The following KIRREL1 variants were observed in gnomAD, a reference collection of about 807,000 sequenced individuals.
KIRREL1 encodes the protein kirre like nephrin family adhesion molecule 1.
Under a neutral mutation model 83.3 loss-of-function variants are expected in KIRREL1, and 25 were observed. The ratio of observed to expected loss-of-function variants is 0.30; its 90% CI spans 0.22 to 0.42. KIRREL1 has a LOEUF of 0.42. Ranked by LOEUF, KIRREL1 falls within the 10% of genes least tolerant of loss-of-function variation. The pLI is 1.00. For missense variants in KIRREL1, 812 were observed against 1,032.3 expected, an observed-to-expected ratio of 0.79 and a Z score of 2.92; for synonymous variants, 388 against 410.4, an observed-to-expected ratio of 0.95 and a Z score of 0.66.
intron 2 of KIRREL1, among the ~76,000 whole-genome samples, chr1:158,076,868 T>C (rs1260842816): frequency 6.6e-6 from 1 of 152,234 alleles, no homozygotes; most frequent in Non-Finnish European, 1.5e-5. Flanking sequence ...TCCTATATTC[T>C]AAAGCAAGTA....
intron 4 of KIRREL1, among the ~76,000 whole-genome samples, chr1:158,085,164 G>A (rs1661979983): frequency 6.6e-6 from 1 of 152,236 alleles, no homozygotes; most frequent in Admixed American, 6.5e-5. Context: ...AAGATATCAA[G>A]TGACTTGCCC....
intron 1 of KIRREL1, among the ~76,000 whole-genome samples, chr1:158,071,916 T>TC (rs1661526818): frequency 6.6e-6 from 1 of 151,976 alleles, no homozygotes; most frequent in Admixed American, 6.5e-5. Context: ...CAACACCTCA[T>TC]CCCCCTTTTA....
At chr1:158,018,707 A>G (rs1659910288) in intron 1 of KIRREL1, among the ~76,000 whole-genome samples, 1 of 152,086 alleles carries the variant, frequency 6.6e-6, no homozygotes, top group Admixed American at 6.5e-5. Context: ...GGAGCCCTGG[A>G]AAAAGAGGGG....
intron 1 of KIRREL1, among the ~76,000 whole-genome samples, chr1:158,005,543 CTT>C (rs35668813): frequency 4.1e-4 from 60 of 146,424 alleles, no homozygotes; most frequent in Admixed American, 5.4e-4. Context: ...GTCATTTCCA[CTT>C]TTTTTTTTTT....
In KIRREL1 at chr1:158,094,738, C is replaced by T; in HGVS notation, c.1892C>T (p.Ala631Val). The stretch of plus-strand genomic sequence containing the variant: ...GCTGACTACCGTGCCCCTGGCCCTG[C>T]CCGCTTCGACGGCCGCCCCTCATCC... Reference protein sequence around the residue: ...LYADYRAPGPARFDGRPSSRL... With the variant: ...LYADYRAPGPVRFDGRPSSRL... The change falls in exon 15 of 15, where the codon GCC (alanine) becomes GTC (valine). Residue 631 changes from alanine to valine, a missense_variant. Transcript: ENST00000359209. This position sits in a 1 kb window ranked among gnomAD's most constrained non-coding sequence, Gnocchi z 4.6. The T allele has an allele frequency of 6.2e-7, 1 of 1,613,660 alleles. No individual in the cohort carries two copies.
At chr1:158,060,669 G>A (rs972796568) in intron 1 of KIRREL1, among the ~76,000 whole-genome samples, 22 of 152,118 alleles carry the variant, frequency 1.4e-4, no homozygotes, top group African/African-American at 5.3e-4. Flanking sequence ...CAGTCATATG[G>A]GGCAGATCCC....
At chr1:158,034,269 CAAAA>C (rs750353894) in intron 1 of KIRREL1, among the ~76,000 whole-genome samples, 1 of 113,692 alleles carries the variant, frequency 8.8e-6, no homozygotes, top group Non-Finnish European at 1.7e-5. Context: ...GACTCCGTCT[CAAAA>C]AAAAAAAAAA....
At chr1:158,054,456 T>C (rs958293164) in intron 1 of KIRREL1, among the ~76,000 whole-genome samples, 1 of 152,152 alleles carries the variant, frequency 6.6e-6, no homozygotes, top group South Asian at 2.1e-4. Flanking sequence ...TTGAGTAAAG[T>C]GCTGATGGCC....
At chr1:158,091,596 G>A (rs1183053574) in intron 11 of KIRREL1, 40 bp downstream of exon 11, 1 of 1,591,454 alleles carries the variant, frequency 6.3e-7, no homozygotes, top group African/African-American at 1.3e-5. Flanking sequence ...GTGCAGAGCA[G>A]CCTGAGGATT....
chr1:158,056,256 G>T (rs1570958669), intron 1 of KIRREL1, among the ~76,000 whole-genome samples: 3 of 152,298 alleles, frequency 2.0e-5, no homozygotes, highest in Admixed American at 6.5e-5. Context: ...TCCCCATCCT[G>T]CTTTGTACCC....
intron 1 of KIRREL1, among the ~76,000 whole-genome samples, chr1:158,056,268 C>T (rs1476830718): frequency 6.6e-6 from 1 of 152,274 alleles, no homozygotes; most frequent in Non-Finnish European, 1.5e-5. Context: ...TTTGTACCCT[C>T]CTCTCCCGAG....
chr1:158,070,139 G>A (rs1340491509), intron 1 of KIRREL1, among the ~76,000 whole-genome samples: 1 of 152,192 alleles, frequency 6.6e-6, no homozygotes, highest in Non-Finnish European at 1.5e-5. Context: ...CCTCCCAGGA[G>A]GTAAACAGGG....
At position 158,018,874 on chromosome 1, in the gene KIRREL1, AC is replaced by A. The variant is rs550182873; in HGVS notation, c.52+25148del. ...ATTGATGTGCTACGAGAGAAGATGA[AC>A]CAATTTTATTATTAGCCTGAACAAA... On this transcript the variant is annotated intron_variant, in intron 1 of 14. Transcript: ENST00000359209. Among the ~76,000 whole-genome samples the A allele has an allele frequency of 2.6e-4, 40 of 152,342 alleles. 1 individual carries two copies. The South Asian group carries it at 8.1e-3, about 31-fold the overall frequency.
chr1:158,017,440 C>A (rs1659861539), intron 1 of KIRREL1, among the ~76,000 whole-genome samples: 2 of 151,992 alleles, frequency 1.3e-5, no homozygotes, highest in South Asian at 4.2e-4. Context: ...GCCTTTAATC[C>A]CAGCACTTTG....
intron 5 of KIRREL1, among the ~76,000 whole-genome samples, chr1:158,087,019 G>C (rs1375697006): frequency 6.6e-6 from 1 of 152,142 alleles, no homozygotes. Context: ...TTCCAGTTCT[G>C]TATACTGTAT....
intron 11 of KIRREL1, 80 bp downstream of exon 11, chr1:158,091,636 T>A (rs755556349): frequency 1.3e-5 from 18 of 1,351,990 alleles, no homozygotes; most frequent in Non-Finnish European, 1.8e-5. Flanking sequence ...GGGGCAGGGC[T>A]CAGCTGCTCC....
chr1:158,071,649 C>T (rs1272161121), intron 1 of KIRREL1, among the ~76,000 whole-genome samples: 1 of 152,158 alleles, frequency 6.6e-6, no homozygotes, highest in Admixed American at 6.5e-5. Flanking sequence ...CGGGAGGCCA[C>T]CTTCCCACCC....
At chr1:158,001,455 G>C (rs1279266643) in intron 1 of KIRREL1, among the ~76,000 whole-genome samples, 1 of 152,180 alleles carries the variant, frequency 6.6e-6, no homozygotes, top group Non-Finnish European at 1.5e-5. Flanking sequence ...TATGACAGCA[G>C]GTGGTCCTTC....
chr1:158,090,848 G>C (rs1662176660), intron 10 of KIRREL1, among the ~76,000 whole-genome samples: 2 of 152,196 alleles, frequency 1.3e-5, no homozygotes. Flanking sequence ...GCCCTAGCCT[G>C]GTTCTGTCAT....
Sources: gnomAD v4.1 joint callset for allele counts (sites outside exome capture counted in the v4.1 genomes callset) on GRCh38, gnomAD v4.1.1 for gene constraint, Gnocchi (gnomAD v3.1) non-coding constraint, MANE v1.5 for transcripts, NCBI Gene and HGNC (gene_info 2026-07-23, HGNC 2026-07-21) for gene names.